Variants in ASAP1 observed in about 807,000 individuals in gnomAD.
ASAP1 encodes arf-GAP with SH3 domain, ANK repeat and PH domain-containing protein 1.
Under a neutral mutation model 145.2 loss-of-function variants are expected in ASAP1, and 43 were observed. The observed-to-expected ratio is 0.30, with a 90% CI of 0.23 to 0.38. The LOEUF (loss-of-function observed/expected upper bound fraction) is 0.38. ASAP1 is among the 10% of genes least tolerant of loss of function. ASAP1 has a pLI of 1.00. For synonymous variants in ASAP1, 546 were observed against 515.5 expected (o/e 1.06, Z -0.80); for missense variants, 1,018 against 1,355.3 (o/e 0.75, Z 3.91).
chr8:130,093,666 C>CAAAAAAAAAAAAAAA (rs71572317), intron 24 of ASAP1, among the ~76,000 whole-genome samples: 5 of 52,196 alleles, frequency 9.6e-5, no homozygotes, highest in East Asian at 1.6e-3. Context: ...GACTCCGTCT[C>CAAAAAAAAAAAAAAA]AAAAAAAAAA....
At chr8:130,433,533 A>G (rs527566781) in intron 1 of ASAP1, among the ~76,000 whole-genome samples, 2 of 152,346 alleles carry the variant, frequency 1.3e-5, no homozygotes, top group East Asian at 1.9e-4. Flanking sequence ...CCAAATTATT[A>G]ACAGTTACAT....
intron 3 of ASAP1, among the ~76,000 whole-genome samples, chr8:130,312,501 C>T (rs901469394): frequency 2.6e-5 from 4 of 152,136 alleles, no homozygotes; most frequent in South Asian, 2.1e-4. Flanking sequence ...TACTGCAACC[C>T]GTAGCAACTC....
intron 3 of ASAP1, among the ~76,000 whole-genome samples, chr8:130,284,523 TA>T: frequency 6.6e-6 from 1 of 151,872 alleles, no homozygotes. Context: ...GGGCTGAAAA[TA>T]AACTAAAAGG....
At chr8:130,152,590 CTTTTTT>C in intron 13 of ASAP1, 140 bp downstream of exon 13, 2 of 416,106 alleles carry the variant, frequency 4.8e-6, no homozygotes, top group Non-Finnish European at 8.3e-6. Context: ...CAAGATAAAA[CTTTTTT>C]TTTTTTTTTT....
chr8:130,339,639 A>G lies in ASAP1; in HGVS notation c.186+18378T>C, dbSNP rs555047620. On this transcript the variant is annotated intron_variant, in intron 3 of 29. Coordinates refer to ENST00000518721, the MANE Select transcript of ASAP1 (RefSeq NM_018482.4). ...TCAAACACAAAAAAATCAATTACTT[A>G]AAACATAAAACACAATGCTATAATC... Among the ~76,000 whole-genome samples the G allele has an allele frequency of 3.9e-5, 6 of 152,296 alleles. No individual in the cohort carries two copies. In the East Asian group the frequency reaches 1.2e-3, roughly 29 times the overall value.
Position 130,137,057 on chromosome 8 carries a change from T to C in ASAP1, c.1081-19A>G, listed in dbSNP as rs1300194124. On this transcript the variant is annotated intron_variant, in intron 13 of 29. Transcript: ENST00000518721. ...TGTTAGACTGGAAAAAAAGAGAAAA[T>C]GGAGAAGTTACATGCAGCTCCACTC... The C allele has an allele frequency of 5.0e-6, 8 of 1,606,174 alleles. No individual in the cohort carries two copies. The highest frequency in any genetic ancestry group is 2.2e-5 in the East Asian group (1 of 44,854).
intron 12 of ASAP1, among the ~76,000 whole-genome samples, chr8:130,158,202 T>C (rs2097661716): frequency 6.6e-6 from 1 of 151,958 alleles, no homozygotes; most frequent in African/African-American, 2.4e-5. Context: ...CAAGGAGCTT[T>C]CTTTTAAAAA....
At chr8:130,278,667 GA>G (rs544773704) in intron 3 of ASAP1, among the ~76,000 whole-genome samples, 4 of 152,076 alleles carry the variant, frequency 2.6e-5, no homozygotes, top group South Asian at 2.1e-4. Flanking sequence ...GACATTGGAC[GA>G]AAAAAACTCT....
At chr8:130,138,481 G>A (rs1291241042) in intron 13 of ASAP1, among the ~76,000 whole-genome samples, 1 of 152,164 alleles carries the variant, frequency 6.6e-6, no homozygotes, top group East Asian at 1.9e-4. Flanking sequence ...CTGTACTCCA[G>A]AACTTGTCAC....
chr8:130,325,365 A>C (rs982823585), intron 3 of ASAP1, among the ~76,000 whole-genome samples: 1 of 152,226 alleles, frequency 6.6e-6, no homozygotes, highest in African/African-American at 2.4e-5. Context: ...GTGCACAGTG[A>C]GAAAAGACCA....
intron 2 of ASAP1, among the ~76,000 whole-genome samples, chr8:130,390,343 T>C (rs1351388076): frequency 6.6e-6 from 1 of 152,244 alleles, no homozygotes; most frequent in African/African-American, 2.4e-5. Context: ...AAAGTTCTAC[T>C]GGAAAGTCTA....
intron 29 of ASAP1, 138 bp downstream of exon 29, chr8:130,057,816 T>C: frequency 2.7e-6 from 3 of 1,106,730 alleles, no homozygotes; most frequent in East Asian, 2.4e-5. Context: ...GCAATGGCTG[T>C]TGGGTGAGTG....
At chr8:130,402,518 G>A (rs553687842) in intron 1 of ASAP1, among the ~76,000 whole-genome samples, 1 of 152,174 alleles carries the variant, frequency 6.6e-6, no homozygotes, top group African/African-American at 2.4e-5. Flanking sequence ...AGGAAGTCTG[G>A]GATAAAAGAT....
intron 16 of ASAP1, among the ~76,000 whole-genome samples, 191 bp from the exon 17 acceptor site, chr8:130,126,280 AC>A (rs897899378): frequency 3.3e-5 from 5 of 152,222 alleles, no homozygotes; most frequent in Admixed American, 2.6e-4. Flanking sequence ...TGAACTGAAA[AC>A]AAAATTAAGC....
intron 2 of ASAP1, among the ~76,000 whole-genome samples, chr8:130,379,776 C>T (rs963462302): frequency 6.6e-6 from 1 of 152,190 alleles, no homozygotes. Flanking sequence ...CCTACTGCCA[C>T]AGTGACACAA....
intron 3 of ASAP1, among the ~76,000 whole-genome samples, chr8:130,324,682 C>T (rs1824215320): frequency 6.6e-6 from 1 of 152,142 alleles, no homozygotes; most frequent in Non-Finnish European, 1.5e-5. Context: ...TATGAGGCCT[C>T]CAAGTCTATG....
intron 5 of ASAP1, among the ~76,000 whole-genome samples, chr8:130,206,815 C>A (rs928458023): frequency 6.6e-6 from 1 of 151,938 alleles, no homozygotes; most frequent in Admixed American, 6.6e-5. Flanking sequence ...TTTCAATCCA[C>A]CAGTTATTCC....
At chr8:130,212,296 A>G (rs1399644112) in intron 5 of ASAP1, among the ~76,000 whole-genome samples, 2 of 152,180 alleles carry the variant, frequency 1.3e-5, no homozygotes, top group East Asian at 3.8e-4. Context: ...CCTTTACTAA[A>G]TGAATTAGGT....
intron 3 of ASAP1, among the ~76,000 whole-genome samples, chr8:130,334,512 T>C (rs1027770828): frequency 6.6e-6 from 1 of 152,216 alleles, no homozygotes; most frequent in Admixed American, 6.5e-5. Flanking sequence ...AAGAACTTTA[T>C]GCCATGAAAC....
Sources: gnomAD v4.1 joint callset for allele counts (sites outside exome capture counted in the v4.1 genomes callset) on GRCh38, gnomAD v4.1.1 for gene constraint, MANE v1.5 for transcripts, NCBI Gene and HGNC (gene_info 2026-07-23, HGNC 2026-07-21) for gene names.